Variants in HNF4G observed in about 807,000 individuals in gnomAD.
HNF4G encodes the protein hepatocyte nuclear factor 4-gamma.
HNF4G carries 21 observed loss-of-function variants against 50.9 expected under a neutral mutation model. That is an observed-to-expected ratio of 0.41 (90% CI 0.29 to 0.59). HNF4G has a LOEUF of 0.59. Among genes scored for constraint, HNF4G ranks in the 20% least tolerant of loss-of-function variants. The pLI is 0.26. For missense variants in HNF4G, 527 were observed against 559.4 expected, an observed-to-expected ratio of 0.94 and a Z score of 0.58; for synonymous variants, 198 against 185.6, an observed-to-expected ratio of 1.07 and a Z score of -0.54.
intron 2 of HNF4G, among the ~76,000 whole-genome samples, chr8:75,494,299 AGCACACACAC>A (rs1210518334): frequency 0.032 from 4,449 of 137,092 alleles, 186 homozygotes; most frequent in African/African-American, 0.084. Flanking sequence ...TCTCCCATAC[AGCACACACAC>A]ACACACACAC....
At position 75,515,854 on chromosome 8, in the gene HNF4G, C is replaced by T. The variant is rs189134763; in HGVS notation, c.-24+25646C>T. On this transcript the variant is annotated intron_variant, in intron 2 of 10. Coordinates refer to the HNF4G transcript ENST00000354370. The stretch of plus-strand genomic sequence containing the variant: ...GATCTCGGCTCACCACAACCTCCCC[C>T]TCCTGGGTTTAAGTGATTCTCCTGC... Among the ~76,000 whole-genome samples the T allele has an allele frequency of 5.1e-3, 774 of 151,272 alleles. 4 individuals are homozygous for T. Among genetic ancestry groups the T allele is most frequent in the African/African-American group, 0.018 (730 of 41,132 alleles).
chr8:75,415,515 A>G (rs1046094096), intron 1 of HNF4G, among the ~76,000 whole-genome samples: 1 of 152,204 alleles, frequency 6.6e-6, no homozygotes. Context: ...ATAAAGACTT[A>G]TGGAATTTAG....
At chr8:75,416,720 C>T in intron 1 of HNF4G, among the ~76,000 whole-genome samples, 1 of 152,186 alleles carries the variant, frequency 6.6e-6, no homozygotes, top group East Asian at 1.9e-4. Flanking sequence ...CGCATGGGAC[C>T]TGCCATTTTC....
At chr8:75,544,071 T>A in intron 2 of HNF4G, 92 bp downstream of exon 2, 1 of 1,099,578 alleles carries the variant, frequency 9.1e-7, no homozygotes, top group Non-Finnish European at 1.3e-6. Context: ...AGTTTTCGTA[T>A]ATCTGTAAGT....
chr8:75,429,486 C>A (rs1454162414), intron 1 of HNF4G, among the ~76,000 whole-genome samples: 1 of 152,076 alleles, frequency 6.6e-6, no homozygotes, highest in Admixed American at 6.6e-5. Flanking sequence ...ATAGGAATCT[C>A]TGGATTTCTT....
At chr8:75,411,884 T>A (rs545175710) in intron 1 of HNF4G, among the ~76,000 whole-genome samples, 53 of 152,230 alleles carry the variant, frequency 3.5e-4, no homozygotes, top group Non-Finnish European at 6.3e-4. Flanking sequence ...ATATAATTGG[T>A]AGGGTAATTA....
At position 75,408,261 on chromosome 8, in the gene HNF4G, A is replaced by G. The variant is rs5018424; in HGVS notation, c.-144+99A>G. The G allele has an allele frequency of 2.1e-3, 259 of 124,032 alleles. 3 individuals are homozygous for G. The highest frequency in any genetic ancestry group is 1.9e-3 in the Non-Finnish European group (108 of 56,142). The allele number at this position is 124,032 out of a possible 1,614,324, so 7.7% of individuals were successfully genotyped here. Reference sequence around the variant, plus strand: ...GAGAAGGAGAGAGAGAGAGAGAGAGAGGAGAGAGAGAGAGAGAGTTGTATT... The same window carrying G: ...GAGAAGGAGAGAGAGAGAGAGAGAGGGGAGAGAGAGAGAGAGAGTTGTATT... On this transcript the variant is annotated intron_variant, in intron 1 of 10. Coordinates refer to the HNF4G transcript ENST00000354370.
intron 7 of HNF4G, 56 bp from the exon 8 acceptor site, chr8:75,558,745 G>T: frequency 6.4e-7 from 1 of 1,574,682 alleles, no homozygotes. Flanking sequence ...AATATTTATT[G>T]TCTCACACTG....
At chr8:75,449,938 CG>C (rs1407423823) in intron 1 of HNF4G, among the ~76,000 whole-genome samples, 3 of 152,148 alleles carry the variant, frequency 2.0e-5, no homozygotes, top group African/African-American at 7.2e-5. Flanking sequence ...TATAGCCCCC[CG>C]ATGTATGTAT....
chr8:75,540,187 T>G, intron 1 of HNF4G, 107 bp downstream of exon 1: 1 of 647,344 alleles, frequency 1.5e-6, no homozygotes, highest in Admixed American at 2.6e-5. Context: ...TGCTGGAGAG[T>G]TTAGGGCTTG....
At chr8:75,526,129 T>TATTC (rs1157173766) in intron 2 of HNF4G, among the ~76,000 whole-genome samples, 4 of 151,434 alleles carry the variant, frequency 2.6e-5, no homozygotes, top group Admixed American at 6.6e-5. Context: ...TTTATTTATT[T>TATTC]ATTTATTTAT....
intron 1 of HNF4G, among the ~76,000 whole-genome samples, chr8:75,422,505 A>T (rs1338491558): frequency 5.9e-5 from 9 of 152,240 alleles, no homozygotes; most frequent in Non-Finnish European, 1.3e-4. Flanking sequence ...ATCATTATCA[A>T]AGTAAATATA....
At chr8:75,485,147 A>G (rs1196136212) in intron 1 of HNF4G, among the ~76,000 whole-genome samples, 1 of 152,234 alleles carries the variant, frequency 6.6e-6, no homozygotes, top group Non-Finnish European at 1.5e-5. Context: ...TGAAGAAAAT[A>G]TATAAAAATG....
In HNF4G at chr8:75,551,469, C is replaced by A; in HGVS notation, c.464C>A (p.Ala155Glu). ...GSNIPSINTL[A>E]QAEVRSRQIS... is the part of the protein sequence containing the mutation. ...AACATCCCCTCCATTAACACACTGGCACAAGCTGAAGTTCGGTCTCGCCAG... is the reference window on the plus strand; with the variant it reads ...AACATCCCCTCCATTAACACACTGGAACAAGCTGAAGTTCGGTCTCGCCAG... The change falls in exon 4 of 10, where the codon GCA becomes GAA. Residue 155 changes from alanine (A) to glutamate (E), a missense_variant. Coordinates refer to ENST00000396423, the MANE Select transcript of HNF4G (RefSeq NM_004133.5). 1 of 1,611,308 alleles carries A rather than the reference C, an allele frequency of 6.2e-7. No homozygotes were observed. Among genetic ancestry groups the A allele is most frequent in the Non-Finnish European group, 8.5e-7 (1 of 1,177,644 alleles).
intron 2 of HNF4G, among the ~76,000 whole-genome samples, chr8:75,508,246 C>T (rs913326078): frequency 1.3e-5 from 2 of 151,898 alleles, no homozygotes; most frequent in Admixed American, 6.6e-5. Context: ...CCAAGAAGAA[C>T]TTTTCCATGC....
intron 1 of HNF4G, among the ~76,000 whole-genome samples, chr8:75,472,895 T>C (rs1198530234): frequency 1.3e-5 from 2 of 152,096 alleles, no homozygotes; most frequent in Non-Finnish European, 2.9e-5. Flanking sequence ...CTAAATGAGA[T>C]GTAAATGAAC....
Position 75,564,160 on chromosome 8 carries a change from A to C in HNF4G, c.*64A>C. ...AAAGTTGTTGATCTTGAAATATCTC[A>C]GGATAGCACTTTTGGCAAACTCTTA... is the stretch of plus-strand genomic sequence containing the variant. On this transcript the variant is annotated 3_prime_UTR_variant, in exon 10 of 10. Transcript: ENST00000396423. 53 of 1,567,620 alleles carry C rather than the reference A, an allele frequency of 3.4e-5. No homozygotes were observed. The highest frequency in any genetic ancestry group is 4.3e-5 in the Non-Finnish European group (49 of 1,146,854).
chr8:75,499,863 A>T (rs190239585), intron 2 of HNF4G, among the ~76,000 whole-genome samples: 20 of 152,204 alleles, frequency 1.3e-4, no homozygotes, highest in Admixed American at 8.5e-4. Flanking sequence ...TTGAATGCCT[A>T]CGTGACATAA....
chr8:75,501,699 T>A (rs1177733085), intron 2 of HNF4G, among the ~76,000 whole-genome samples: 1 of 152,142 alleles, frequency 6.6e-6, no homozygotes, highest in Non-Finnish European at 1.5e-5. Context: ...TTTAAAGAAA[T>A]GTTTTTTAAA....
Sources: gnomAD v4.1 joint callset for allele counts (sites outside exome capture counted in the v4.1 genomes callset) on GRCh38, gnomAD v4.1.1 for gene constraint, MANE v1.5 for transcripts, NCBI Gene and HGNC (gene_info 2026-07-23, HGNC 2026-07-21) for gene names.